ZNF619: variants seen among roughly 807,000 people sequenced by gnomAD.
ZNF619 encodes the protein zinc finger protein 619.
Under a neutral mutation model 14.2 loss-of-function variants are expected in ZNF619, and 9 were observed. The ratio of observed to expected loss-of-function variants is 0.64; its 90% CI spans 0.38 to 1.11. The LOEUF is 1.11. ZNF619 is among the 50% of genes least tolerant of loss of function. ZNF619 has a pLI of 0.01. For synonymous variants in ZNF619, 246 were observed against 252.8 expected (o/e 0.97, Z 0.26); for missense variants, 659 against 680.1 (o/e 0.97, Z 0.34).
chr3:40,481,943 C>T lies in ZNF619; in HGVS notation c.105C>T (p.Ala35=). The change falls in exon 3 of 5, where the codon GCC becomes GCT. Residue 35 remains alanine, a synonymous_variant. Coordinates refer to ENST00000432264, the MANE Select transcript of ZNF619 (RefSeq NM_001145093.4). ...VAVYFTQNEW[A]SLHPTQRALY... ...TGTACTTCACCCAGAATGAATGGGC[C>T]AGCCTGCACCCTACGCAGAGGGCCC... is the stretch of plus-strand genomic sequence containing the variant. 6.2e-7 allele frequency: 1 copy of T among 1,613,770 alleles called. No homozygotes were observed. Among genetic ancestry groups the T allele is most frequent in the East Asian group, 2.2e-5 (1 of 44,880 alleles).
chr3:40,488,295 CT>C lies in ZNF619; in HGVS notation c.*55del. 1 of 850,988 alleles carries C rather than the reference CT, an allele frequency of 1.2e-6. No individual in the cohort carries two copies. Among genetic ancestry groups the C allele is most frequent in the Non-Finnish European group, 1.9e-6 (1 of 520,854 alleles). The allele number at this position is 850,988 out of a possible 1,614,324, so 52.7% of individuals were successfully genotyped here. ...ACCTCAAGTTAGGGATTCCACTGGT[CT>C]CCTGATTGTGTCTATTGATATTCCT... On this transcript the variant is annotated 3_prime_UTR_variant, in exon 5 of 5. Coordinates refer to ENST00000432264, the MANE Select transcript of ZNF619 (RefSeq NM_001145093.4).
Position 40,488,146 on chromosome 3 carries a change from C to G in ZNF619, c.1636C>G (p.Pro546Ala). The G allele has an allele frequency of 6.2e-7, 1 of 1,613,996 alleles. No individual in the cohort carries two copies. The highest frequency in any genetic ancestry group is 1.1e-5 in the South Asian group (1 of 91,078). ...GCTTCCCTCATCTGAAAAGGCCAAC[C>G]CTTCACCTGTCCAAATAGCACATTT... is the stretch of plus-strand genomic sequence containing the variant. ...LLLPSSEKANPSPVQIAHFFQ... is the reference protein window; with the variant it reads ...LLLPSSEKANASPVQIAHFFQ... Residue 546 changes from proline to alanine, a missense_variant, in exon 5 of 5, where the codon CCT becomes GCT. Pro to Ala is a conservative substitution (Grantham distance 27, BLOSUM62 -1). Coordinates refer to ENST00000432264, the MANE Select transcript of ZNF619 (RefSeq NM_001145093.4).
chr3:40,487,655 A>G lies in ZNF619; in HGVS notation c.1145A>G (p.His382Arg). Reference protein sequence around the residue: ...YECKECGKAFHRSSVFLQHQR... With the variant: ...YECKECGKAFRRSSVFLQHQR... ...TGTAAAGAGTGTGGCAAGGCCTTCCACCGCAGTTCGGTATTTCTTCAGCAC... is the reference window on the plus strand; with the variant it reads ...TGTAAAGAGTGTGGCAAGGCCTTCCGCCGCAGTTCGGTATTTCTTCAGCAC... Residue 382 changes from histidine to arginine, a missense_variant, in exon 5 of 5, where the codon CAC (histidine) becomes CGC (arginine). Physicochemically the swap from His to Arg is conservative, Grantham distance 29. Coordinates refer to ENST00000432264, the MANE Select transcript of ZNF619 (RefSeq NM_001145093.4). 1 of 1,613,338 alleles carries G rather than the reference A, an allele frequency of 6.2e-7. No homozygotes were observed. Among genetic ancestry groups the G allele is most frequent in the Non-Finnish European group, 8.5e-7 (1 of 1,179,806 alleles).
In ZNF619 at chr3:40,488,549, A is replaced by C; in HGVS notation, c.*308A>C. On this transcript the variant is annotated 3_prime_UTR_variant, in exon 5 of 5. Coordinates refer to ENST00000432264, the MANE Select transcript of ZNF619 (RefSeq NM_001145093.4). ...TTTGGGGTTTAGGGCATATGGCATT[A>C]TGATTATGATGAGATGGGGCATTAT... The C allele has an allele frequency of 3.3e-6, 1 of 304,564 alleles. No homozygotes were observed. Among genetic ancestry groups the C allele is most frequent in the Non-Finnish European group, 6.0e-6 (1 of 165,428 alleles). The allele number at this position is 304,564 out of a possible 1,614,324, so 18.9% of individuals were successfully genotyped here.
At chr3:40,482,988 G>A (rs1385266018) in intron 4 of ZNF619, among the ~76,000 whole-genome samples, 1 of 152,136 alleles carries the variant, frequency 6.6e-6, no homozygotes, top group Admixed American at 6.5e-5. Context: ...AGGTGGGAGG[G>A]TGCTTGAGGC....
intron 2 of ZNF619, 29 bp downstream of exon 2, chr3:40,478,032 T>C (rs1697253685): frequency 3.9e-6 from 6 of 1,551,540 alleles, no homozygotes; most frequent in Non-Finnish European, 5.2e-6. Flanking sequence ...CAGCTTTCCA[T>C]ACTCAGAACA....
At chr3:40,477,855 G>A (rs1697244093) in intron 1 of ZNF619, 63 bp from the exon 2 acceptor site, 6 of 849,484 alleles carry the variant, frequency 7.1e-6, no homozygotes, top group Non-Finnish European at 7.7e-6. Context: ...GCAGGAGACA[G>A]AGGGGAAGAG....
intron 4 of ZNF619, 104 bp downstream of exon 4, chr3:40,482,808 G>T: frequency 1.2e-6 from 1 of 824,784 alleles, no homozygotes; most frequent in South Asian, 1.7e-5. Context: ...TGGTTGTGGG[G>T]ATTAAAATAG....
chr3:40,477,677 C>A (rs563224105), intron 1 of ZNF619: 19 of 381,176 alleles, frequency 5.0e-5, no homozygotes, highest in Admixed American at 1.2e-4. Context: ...GCCACGAATC[C>A]ACTGCAGTTC....
rs1697640144 is a variant in ZNF619 at position 40,487,435 on chromosome 3, A to G, written c.925A>G (p.Ile309Val). The change falls in exon 5 of 5, where the codon ATC (isoleucine) becomes GTC (valine). Residue 309 changes from isoleucine to valine, a missense_variant. Transcript: ENST00000432264. ...YNSKLIRHQR[I>V]HTGEKPFKCK... ...TTCAAAACTGATTCGGCATCAGAGA[A>G]TCCATACTGGGGAGAAGCCCTTTAA... is the stretch of plus-strand genomic sequence containing the variant. The G allele has an allele frequency of 6.2e-7, 1 of 1,614,136 alleles. No homozygotes were observed. Among genetic ancestry groups the G allele is most frequent in the South Asian group, 1.1e-5 (1 of 91,090 alleles).
chr3:40,478,768 G>T (rs1697285424), intron 2 of ZNF619, among the ~76,000 whole-genome samples: 2 of 152,052 alleles, frequency 1.3e-5, no homozygotes, highest in African/African-American at 2.4e-5. Context: ...TCATGTAATG[G>T]ATGTATCTTG....
intron 4 of ZNF619, among the ~76,000 whole-genome samples, chr3:40,485,837 C>T (rs1360842219): frequency 6.6e-6 from 1 of 152,182 alleles, no homozygotes; most frequent in Non-Finnish European, 1.5e-5. Flanking sequence ...CATACCCCCG[C>T]TCCAATTGCC....
chr3:40,482,373 T>TAC, intron 3 of ZNF619: 1 of 1,573,404 alleles, frequency 6.4e-7, no homozygotes, highest in Admixed American at 1.9e-5. Context: ...GGCCCTCGTG[T>TAC]ACACACCCCC....
At chr3:40,486,067 T>A (rs994640385) in intron 4 of ZNF619, among the ~76,000 whole-genome samples, 5 of 152,242 alleles carry the variant, frequency 3.3e-5, no homozygotes, top group African/African-American at 1.2e-4. Context: ...ACAGGTTTTA[T>A]GCCTTGATTG....
rs953460754 is a variant in ZNF619, at chr3:40,477,195, G to T, written c.-225G>T. 6.6e-6 allele frequency: 1 copy of T among 152,330 alleles called. No homozygotes were observed. The highest frequency in any genetic ancestry group is 1.5e-5 in the Non-Finnish European group (1 of 68,138). The allele number at this position is 152,330 out of a possible 1,614,324, so 9.4% of individuals were successfully genotyped here. ...CGAGCGCTCGGGTTGAGTTTCCCGGGCTTCCCTGACTCGGCTACCTGTTCT... is the reference window on the plus strand; with the variant it reads ...CGAGCGCTCGGGTTGAGTTTCCCGGTCTTCCCTGACTCGGCTACCTGTTCT... On this transcript the variant is annotated 5_prime_UTR_variant, in exon 1 of 5. Coordinates refer to ENST00000432264, the MANE Select transcript of ZNF619 (RefSeq NM_001145093.4).
At position 40,487,965 on chromosome 3, in the gene ZNF619, T is replaced by C; in HGVS notation, c.1455T>C (p.Asn485=). The C allele has an allele frequency of 6.2e-7, 1 of 1,614,228 alleles. No individual in the cohort carries two copies. The highest frequency in any genetic ancestry group is 1.1e-5 in the South Asian group (1 of 91,080). ...QKWHTRKKLI[N]GTGLSAVKPY... ...GGCATACTAGGAAGAAACTCATCAA[T>C]GGAACAGGGCTATCCGCAGTTAAGC... Residue 485 remains asparagine (N), a synonymous_variant, in exon 5 of 5, where the codon AAT becomes AAC. Transcript: ENST00000432264.
At position 40,487,718 on chromosome 3, in the gene ZNF619, A is replaced by ATG. The variant is rs758527753; in HGVS notation, c.1209_1210dup (p.Glu404ValfsTer14). On this transcript the variant is annotated frameshift_variant, in exon 5 of 5. Transcript: ENST00000432264. LOFTEE classifies it low-confidence loss of function (END_TRUNC). The stretch of plus-strand genomic sequence containing the variant: ...ACTGGGGAACAACTCTACAAATGTA[A>ATG]TGAATGTTGGAAAACTTTCAGCTGT... The ATG allele has an allele frequency of 6.2e-6, 10 of 1,614,112 alleles. No homozygotes were observed. Among genetic ancestry groups the ATG allele is most frequent in the Admixed American group, 1.7e-5 (1 of 60,016 alleles).
At chr3:40,480,279 T>C (rs2125635131) in intron 2 of ZNF619, among the ~76,000 whole-genome samples, 1 of 152,288 alleles carries the variant, frequency 6.6e-6, no homozygotes, top group Middle Eastern at 3.4e-3. Flanking sequence ...TGAAATCAAT[T>C]AAAGTTCCTC....
At position 40,491,011 on chromosome 3, in the gene ZNF619, C is replaced by T. The variant is rs1488487486; in HGVS notation, c.*2770C>T. Among the ~76,000 whole-genome samples the T allele has an allele frequency of 2.6e-5, 4 of 152,228 alleles. No individual in the cohort carries two copies. The highest frequency in any genetic ancestry group is 4.4e-5 in the Non-Finnish European group (3 of 68,016). On this transcript the variant is annotated 3_prime_UTR_variant, in exon 5 of 5. Transcript: ENST00000432264. The stretch of plus-strand genomic sequence containing the variant: ...TACGGCCCCTCCACAGTTCCCAGCC[C>T]TCGGAACCATGAGCTAAATAAACTT...
Sources: allele counts gnomAD v4.1 joint callset (sites outside exome capture counted in the v4.1 genomes callset), GRCh38; gene constraint gnomAD v4.1.1; transcripts MANE v1.5; gene names NCBI Gene and HGNC (gene_info 2026-07-23, HGNC 2026-07-21).